Variants in BTAF1 observed in about 807,000 individuals in gnomAD.
BTAF1 encodes the protein B-TFIID TATA-box binding protein associated factor 1.
Under a neutral mutation model 227.1 loss-of-function variants are expected in BTAF1, and 38 were observed. The observed-to-expected ratio is 0.17, with a 90% CI of 0.13 to 0.22. The LOEUF is 0.22. Ranked by LOEUF, BTAF1 falls within the 10% of genes least tolerant of loss-of-function variation. The pLI, the probability that BTAF1 is intolerant of heterozygous loss-of-function variation, is 1.00. For missense variants in BTAF1, 1,598 were observed against 2,204.0 expected (o/e 0.73, Z 5.51); for synonymous variants, 742 against 751.9 (o/e 0.99, Z 0.21).
At chr10:92,016,723 G>A (rs1176843499) in intron 33 of BTAF1, among the ~76,000 whole-genome samples, 3 of 152,126 alleles carry the variant, frequency 2.0e-5, no homozygotes, top group Non-Finnish European at 2.9e-5. Flanking sequence ...TGATTCACCT[G>A]TCTTGGCCTC....
At chr10:91,930,306 G>C (rs1459204300) in intron 1 of BTAF1, among the ~76,000 whole-genome samples, 1 of 152,172 alleles carries the variant, frequency 6.6e-6, no homozygotes, top group African/African-American at 2.4e-5. Context: ...AAAATGTCTT[G>C]AAGGAAATAG....
chr10:91,993,596 G>C, intron 21 of BTAF1, 98 bp from the exon 22 acceptor site: 1 of 939,684 alleles, frequency 1.1e-6, no homozygotes, highest in Middle Eastern at 3.7e-4. Flanking sequence ...ATAACATTAT[G>C]AATTCTTAGA....
At chr10:91,969,793 G>A (rs977337315) in intron 14 of BTAF1, among the ~76,000 whole-genome samples, 4 of 151,990 alleles carry the variant, frequency 2.6e-5, no homozygotes, top group African/African-American at 9.7e-5. Context: ...GTGAAACCCT[G>A]TCTCTACTAA....
At chr10:91,992,821 A>G (rs1589904727) in intron 21 of BTAF1, among the ~76,000 whole-genome samples, 2 of 152,266 alleles carry the variant, frequency 1.3e-5, no homozygotes, top group Admixed American at 6.5e-5. Flanking sequence ...CAGGCTTTCC[A>G]TTATCTCCCA....
intron 17 of BTAF1, 44 bp from the exon 18 acceptor site, chr10:91,982,543 C>T: frequency 6.5e-7 from 1 of 1,538,798 alleles, no homozygotes; most frequent in East Asian, 2.3e-5. Flanking sequence ...GGAAACTTTA[C>T]TTCAAGTAAT....
chr10:91,924,093 G>A lies in BTAF1; in HGVS notation c.14+3G>A, dbSNP rs527906601. ...CGCCCGGCCATGGCGGTCTCCAGGT[G>A]GGTCTTGCTCCTGACGAGCAAACTG... On this transcript the variant is annotated splice_donor_region_variant and intron_variant, in intron 1 of 37. Transcript: ENST00000265990. 6 of 1,608,058 alleles carry A rather than the reference G, an allele frequency of 3.7e-6. No homozygotes were observed. In the African/African-American group the frequency reaches 8.1e-5, roughly 22 times the overall value.
At chr10:92,022,118 G>A (rs940588754) in intron 34 of BTAF1, among the ~76,000 whole-genome samples, 3 of 152,172 alleles carry the variant, frequency 2.0e-5, no homozygotes, top group Admixed American at 2.0e-4. Flanking sequence ...TTGGGTTATA[G>A]ATTAGTGAGA....
chr10:91,980,317 A>G lies in BTAF1; in HGVS notation c.1651-137A>G, dbSNP rs1221780396. The G allele has an allele frequency of 7.5e-5, 45 of 603,348 alleles. No homozygotes were observed. In the Admixed American group the frequency reaches 1.3e-3, roughly 17 times the overall value. 37.4% of individuals were successfully genotyped at this position (603,348 alleles called of 1,614,324 possible). On this transcript the variant is annotated intron_variant, in intron 14 of 37. Transcript: ENST00000265990. ...TTGCCTCAAAATCTTGTCAAAGTTT[A>G]TCACCTGTTTAGCCTTTTTAATGAA...
chr10:91,969,439 A>G (rs1039663981), intron 14 of BTAF1, among the ~76,000 whole-genome samples: 2 of 152,118 alleles, frequency 1.3e-5, no homozygotes, highest in African/African-American at 4.8e-5. Context: ...TCAGTCACCA[A>G]TATTATTTGT....
intron 4 of BTAF1, among the ~76,000 whole-genome samples, chr10:91,949,564 A>G (rs1042334505): frequency 9.9e-5 from 15 of 152,176 alleles, no homozygotes; most frequent in South Asian, 2.1e-4. Context: ...GTGGAACTCA[A>G]AATTTCAAAC....
intron 6 of BTAF1, 66 bp from the exon 7 acceptor site, chr10:91,956,462 C>T: frequency 6.9e-7 from 1 of 1,442,990 alleles, no homozygotes; most frequent in Non-Finnish European, 9.3e-7. Context: ...ATCTTTTATT[C>T]ATTTCATTCA....
At chr10:91,991,768 T>TAC (rs1848770905) in intron 20 of BTAF1, among the ~76,000 whole-genome samples, 1 of 23,412 alleles carries the variant, frequency 4.3e-5, no homozygotes, top group Non-Finnish European at 9.5e-5. Context: ...AAAAAAAAAT[T>TAC]ATATATATGT....
rs754346364 is a variant in BTAF1 at position 92,013,792 on chromosome 10, T to C, written c.4437T>C (p.Ser1479=). 5 of 1,614,002 alleles carry C rather than the reference T, an allele frequency of 3.1e-6. No individual in the cohort carries two copies. The highest frequency in any genetic ancestry group is 4.2e-6 in the Non-Finnish European group (5 of 1,180,002). ...CAAGTAGGGATGCTCGAAGCTCCAG[T>C]CGAGAGCAAGAAGCAGGTATGAAAG... ...ILASRDARSS[S]REQEAGVLAM... Residue 1479 remains serine, a synonymous_variant, in exon 31 of 38, where the codon AGT becomes AGC. Transcript: ENST00000265990.
At chr10:91,924,169 A>G in intron 1 of BTAF1, 79 bp downstream of exon 1, 1 of 1,555,220 alleles carries the variant, frequency 6.4e-7, no homozygotes, top group Non-Finnish European at 8.7e-7. Context: ...CCACTCCTAG[A>G]GAAGAGCGGT....
intron 1 of BTAF1, among the ~76,000 whole-genome samples, chr10:91,926,767 T>G (rs534614526): frequency 6.6e-6 from 1 of 152,354 alleles, no homozygotes; most frequent in East Asian, 1.9e-4. Context: ...GCCTCTCTCC[T>G]TTTCCTGCCT....
chr10:92,014,434 C>T (rs1010470908), intron 32 of BTAF1, among the ~76,000 whole-genome samples: 1 of 152,018 alleles, frequency 6.6e-6, no homozygotes, highest in Non-Finnish European at 1.5e-5. Context: ...GCTGTGTTGC[C>T]CAGGGTGGTC....
In BTAF1 at chr10:91,989,138, CT is replaced by C. The variant is rs200102417; in HGVS notation, c.2428-6del. The C allele has an allele frequency of 1.2e-3, 1,719 of 1,393,350 alleles. No individual in the cohort carries two copies. The highest frequency in any genetic ancestry group is 3.0e-3 in the African/African-American group (207 of 67,974). The allele number at this position is 1,393,350 out of a possible 1,614,324, so 86.3% of individuals were successfully genotyped here. On this transcript the variant is annotated splice_polypyrimidine_tract_variant and intron_variant, in intron 19 of 37. Coordinates refer to ENST00000265990, the MANE Select transcript of BTAF1 (RefSeq NM_003972.3). ...TGATATGATTAATGATTTTTAATTT[CT>C]TTTTTTTTTAATAGGTCACTACTGT...
intron 4 of BTAF1, among the ~76,000 whole-genome samples, chr10:91,942,807 A>G (rs1175936905): frequency 1.6e-4 from 25 of 152,200 alleles, no homozygotes; most frequent in Admixed American, 1.6e-3. Flanking sequence ...GTTGATACAT[A>G]TTAATATTTC....
intron 25 of BTAF1, among the ~76,000 whole-genome samples, chr10:92,002,399 A>G (rs1055345146): frequency 2.0e-5 from 3 of 152,152 alleles, no homozygotes; most frequent in African/African-American, 4.8e-5. Context: ...TTTTATGGAC[A>G]TTGGAGTGAG....
Sources: gnomAD v4.1 joint callset for allele counts (sites outside exome capture counted in the v4.1 genomes callset) on GRCh38, gnomAD v4.1.1 for gene constraint, MANE v1.5 for transcripts, NCBI Gene and HGNC (gene_info 2026-07-23, HGNC 2026-07-21) for gene names.